ANKFN1: variants seen among roughly 807,000 people sequenced by gnomAD.
The protein encoded by ANKFN1 is ankyrin repeat and fibronectin type-III domain-containing protein 1.
ANKFN1 carries 74 observed loss-of-function variants against 108.7 expected under a neutral mutation model. The observed-to-expected ratio is 0.68, with a 90% CI of 0.56 to 0.83. The LOEUF (loss-of-function observed/expected upper bound fraction) is 0.83. ANKFN1 is among the 40% of genes least tolerant of loss of function. ANKFN1 has a pLI of 0.00. For missense variants in ANKFN1, 1,505 were observed against 1,382.3 expected, an observed-to-expected ratio of 1.09 and a Z score of -1.41; for synonymous variants, 547 against 516.2, an observed-to-expected ratio of 1.06 and a Z score of -0.81.
chr17:56,188,538 G>A (rs1057265087), intron 1 of ANKFN1, among the ~76,000 whole-genome samples: 1 of 102,430 alleles, frequency 9.8e-6, no homozygotes, highest in African/African-American at 4.5e-5. Context: ...AATAAAATAA[G>A]ATGTATATGT....
intron 4 of ANKFN1, among the ~76,000 whole-genome samples, chr17:56,143,853 GGA>G (rs1908072397): frequency 6.6e-6 from 1 of 152,128 alleles, no homozygotes; most frequent in African/African-American, 2.4e-5. Flanking sequence ...CCAGAAGCCA[GGA>G]GAGAGGCATG....
At chr17:56,244,273 T>TAGGAGCATTG (rs1354420715) in intron 3 of ANKFN1, among the ~76,000 whole-genome samples, 1 of 152,144 alleles carries the variant, frequency 6.6e-6, no homozygotes, top group Non-Finnish European at 1.5e-5. Flanking sequence ...ACAATGCCTA[T>TAGGAGCATTG]TCCCTTAAGG....
chr17:56,213,357 C>A (rs1223620354), intron 2 of ANKFN1, among the ~76,000 whole-genome samples: 1 of 152,180 alleles, frequency 6.6e-6, no homozygotes, highest in East Asian at 1.9e-4. Context: ...ACCAACAAGC[C>A]TACCCCCTAT....
intron 15 of ANKFN1, among the ~76,000 whole-genome samples, chr17:56,474,019 G>C (rs186558970): frequency 2.0e-5 from 3 of 152,088 alleles, no homozygotes; most frequent in African/African-American, 7.2e-5. Context: ...AGTTTCAACC[G>C]TAATTATCAT....
chr17:56,407,342 T>C (rs2047952204), intron 8 of ANKFN1, among the ~76,000 whole-genome samples: 1 of 152,228 alleles, frequency 6.6e-6, no homozygotes, highest in Non-Finnish European at 1.5e-5. Context: ...GTTTTATATG[T>C]GTTATATCAC....
At chr17:56,148,724 G>A (rs938307369), upstream of ANKFN1, among the ~76,000 whole-genome samples, 3 of 152,076 alleles carry the variant, frequency 2.0e-5, no homozygotes. Context: ...TTGCCCAATA[G>A]CAGAACAAAT....
intron 15 of ANKFN1, chr17:56,473,783 G>C (rs1344390146): frequency 6.6e-6 from 1 of 151,874 alleles, no homozygotes; most frequent in African/African-American, 2.4e-5. Context: ...CTACATAAAG[G>C]CAAGAAAACA....
At chr17:56,223,072 A>G (rs959108864) in intron 2 of ANKFN1, among the ~76,000 whole-genome samples, 8 of 152,236 alleles carry the variant, frequency 5.3e-5, no homozygotes, top group African/African-American at 1.9e-4. Context: ...GTGTCCACAA[A>G]AATACCATTA....
chr17:56,116,407 A>G (rs1906277208), intron 4 of ANKFN1, among the ~76,000 whole-genome samples: 1 of 152,134 alleles, frequency 6.6e-6, no homozygotes, highest in Non-Finnish European at 1.5e-5. Flanking sequence ...TGGACCTTCC[A>G]AGTCTCATGT....
rs572024343 is a variant in ANKFN1 at position 56,087,395 on chromosome 17, A to G, written c.288+41070A>G. Among the ~76,000 whole-genome samples the G allele has an allele frequency of 2.0e-4, 30 of 151,440 alleles. 1 individual carries two copies. The South Asian group carries it at 6.0e-3, about 31-fold the overall frequency. On this transcript the variant is annotated intron_variant, in intron 4 of 12. Transcript: ENST00000635860. ...TTGGAAAGCACGTGTGGAACCCACT[A>G]TGTCCTTTCAGAGAGACTGTGGTTT...
intron 6 of ANKFN1, among the ~76,000 whole-genome samples, chr17:56,358,505 TA>T (rs2046430236): frequency 6.6e-6 from 1 of 152,192 alleles, no homozygotes; most frequent in Non-Finnish European, 1.5e-5. Context: ...GCTCTCAAGT[TA>T]AATATATACA....
chr17:56,092,569 C>T (rs1905440699), intron 4 of ANKFN1, among the ~76,000 whole-genome samples: 2 of 151,062 alleles, frequency 1.3e-5, no homozygotes, highest in Non-Finnish European at 3.0e-5. Flanking sequence ...CCACCGCGCC[C>T]AGTCGGTAGT....
At chr17:56,408,292 CT>C (rs1285093881) in intron 8 of ANKFN1, among the ~76,000 whole-genome samples, 5 of 152,146 alleles carry the variant, frequency 3.3e-5, no homozygotes, top group Admixed American at 1.3e-4. Flanking sequence ...TTCTGGGTGT[CT>C]CTTTGAATAT....
At chr17:56,226,396 G>C (rs1049723816) in intron 2 of ANKFN1, among the ~76,000 whole-genome samples, 4 of 152,234 alleles carry the variant, frequency 2.6e-5, no homozygotes, top group South Asian at 4.1e-4. Flanking sequence ...TTAACAATTT[G>C]TCAATCCATG....
chr17:56,101,850 C>T (rs1228640203), intron 4 of ANKFN1, among the ~76,000 whole-genome samples: 1 of 152,176 alleles, frequency 6.6e-6, no homozygotes, highest in Non-Finnish European at 1.5e-5. Context: ...GATTCTGGGC[C>T]TCATCCTACT....
At chr17:56,086,893 A>C (rs540687637) in intron 4 of ANKFN1, among the ~76,000 whole-genome samples, 3 of 151,370 alleles carry the variant, frequency 2.0e-5, no homozygotes, top group Non-Finnish European at 4.4e-5. Context: ...CCAGAGTAGG[A>C]ATTTAGCATG....
rs1360608014 is a variant in ANKFN1, at chr17:56,443,022, CA to C, written c.1099+90del. 5.4e-6 allele frequency: 7 copies of C among 1,289,268 alleles called. No homozygotes were observed. The East Asian group carries it at 1.7e-4, about 31-fold the overall frequency. 79.9% of individuals were successfully genotyped at this position (1,289,268 alleles called of 1,614,324 possible). ...GGGTGCCATTGCCATTCCCTTCCCC[CA>C]CTGCTTGCAACCCATAAGACCTTCT... On this transcript the variant is annotated intron_variant, in intron 10 of 20. Coordinates refer to ENST00000682825, the MANE Select transcript of ANKFN1 (RefSeq NM_001370326.1).
intron 6 of ANKFN1, among the ~76,000 whole-genome samples, chr17:56,370,326 A>C (rs1014058272): frequency 2.0e-4 from 30 of 152,336 alleles, no homozygotes; most frequent in African/African-American, 7.0e-4. Context: ...GTGTGGTTCT[A>C]GGGAAAGCAG....
intron 8 of ANKFN1, among the ~76,000 whole-genome samples, chr17:56,435,907 C>T (rs1368161578): frequency 1.3e-5 from 2 of 152,076 alleles, no homozygotes. Context: ...ACATCATAAG[C>T]CTTGAAATTT....
Sources: gnomAD v4.1 joint callset for allele counts (sites outside exome capture counted in the v4.1 genomes callset) on GRCh38, gnomAD v4.1.1 for gene constraint, MANE v1.5 for transcripts, NCBI Gene and HGNC (gene_info 2026-07-23, HGNC 2026-07-21) for gene names.